The following TPD52 variants were observed in gnomAD, a reference collection of about 807,000 sequenced individuals.
The protein encoded by TPD52 is prostate and colon associated protein.
In TPD52, 17 loss-of-function variants were observed where a neutral mutation model predicts 31.3. The ratio of observed to expected loss-of-function variants is 0.54; its 90% CI spans 0.37 to 0.82. TPD52 has a LOEUF of 0.82. TPD52 is among the 40% of genes least tolerant of loss of function. TPD52 has a pLI of 0.00. For missense variants in TPD52, 212 were observed against 240.1 expected (o/e 0.88, Z 0.77); for synonymous variants, 83 against 89.6 (o/e 0.93, Z 0.42).
chr8:80,043,794 T>TG (rs1810589690), intron 6 of TPD52, among the ~76,000 whole-genome samples: 1 of 152,002 alleles, frequency 6.6e-6, no homozygotes, highest in Non-Finnish European at 1.5e-5. Context: ...CACAGTGGGA[T>TG]GGGGGAAGTG....
rs980466348 is a variant in TPD52 at position 80,035,533 on chromosome 8, T to G, written c.*2583A>C. The stretch of plus-strand genomic sequence containing the variant: ...CATACCCAAATTATAGCATTTTTAT[T>G]TTCCAATACTATACAAAAAATAGAC... On this transcript the variant is annotated 3_prime_UTR_variant, in exon 8 of 8. Coordinates refer to ENST00000518937, the MANE Select transcript of TPD52 (RefSeq NM_001025253.3). 1 of 152,228 alleles carries G rather than the reference T, an allele frequency of 6.6e-6. No individual in the cohort carries two copies. Among genetic ancestry groups the G allele is most frequent in the African/African-American group, 2.4e-5 (1 of 41,460 alleles). The allele number at this position is 152,228 out of a possible 1,614,324, so 9.4% of individuals were successfully genotyped here. A position where few individuals can be genotyped will look rare whatever the true frequency, so the allele number is the denominator to read the frequency against.
intron 4 of TPD52, chr8:80,051,270 A>T (rs1349285131): frequency 2.1e-5 from 11 of 511,636 alleles, no homozygotes; most frequent in Admixed American, 3.7e-5. Flanking sequence ...ATCATGAAGA[A>T]CTAAAAAGAC....
chr8:80,127,833 CACACAG>C (rs879653277), intron 1 of TPD52, among the ~76,000 whole-genome samples: 2,506 of 41,372 alleles, frequency 0.061, 27 homozygotes, highest in East Asian at 0.12. Context: ...CACACACACA[CACACAG>C]AGATACATAA....
At chr8:80,171,215 A>C (rs146509538) in intron 1 of TPD52, 178 of 709,334 alleles carry the variant, frequency 2.5e-4, no homozygotes, top group Middle Eastern at 1.4e-3. Context: ...ACACTCACAC[A>C]TGCAGTCCCA....
chr8:80,091,459 C>T (rs1816261813), intron 1 of TPD52, among the ~76,000 whole-genome samples: 1 of 121,006 alleles, frequency 8.3e-6, no homozygotes, highest in Non-Finnish European at 1.7e-5. Context: ...ACAGAGACTC[C>T]ATCTCAAAAA....
intron 4 of TPD52, chr8:80,051,125 A>C (rs577677336): frequency 4.0e-4 from 80 of 198,378 alleles, no homozygotes; most frequent in African/African-American, 1.8e-3. Context: ...CATGATATAA[A>C]ATGTCACATA....
chr8:80,118,519 A>T (rs1808031321), intron 1 of TPD52, among the ~76,000 whole-genome samples: 1 of 152,240 alleles, frequency 6.6e-6, no homozygotes. Flanking sequence ...GAAATACTGT[A>T]AAATCATCTA....
intron 1 of TPD52, among the ~76,000 whole-genome samples, chr8:80,144,182 T>C (rs528357607): frequency 4.3e-4 from 65 of 152,326 alleles, no homozygotes; most frequent in African/African-American, 1.6e-3. Flanking sequence ...TTTTGTAATA[T>C]TACATATATC....
chr8:80,037,577 G>A lies in TPD52; in HGVS notation c.*539C>T, dbSNP rs1244043712. 2.0e-5 allele frequency: 3 copies of A among 152,224 alleles called. No homozygotes were observed. The highest frequency in any genetic ancestry group is 2.1e-4 in the South Asian group (1 of 4,830). 9.4% of individuals were successfully genotyped at this position (152,224 alleles called of 1,614,324 possible). On this transcript the variant is annotated 3_prime_UTR_variant, in exon 8 of 8. Transcript: ENST00000518937. Reference sequence around the variant, plus strand: ...AGTCTGGTGTCTTCAACCAAAATATGTACCTTATACCAAAACAATGCTTAT... The same window carrying A: ...AGTCTGGTGTCTTCAACCAAAATATATACCTTATACCAAAACAATGCTTAT...
chr8:80,161,732 A>ATTTTT lies in TPD52; in HGVS notation c.19+9688_19+9692dup, dbSNP rs869141433. ...CACATTTATATATATATATATATATATTTTTTTTTTTTTCTGAGACAGAGT... is the reference window on the plus strand; with the variant it reads ...CACATTTATATATATATATATATATATTTTTTTTTTTTTTTTTTCTGAGACAGAGT... On this transcript the variant is annotated intron_variant, in intron 1 of 7. Coordinates refer to ENST00000518937, the MANE Select transcript of TPD52 (RefSeq NM_001025253.3). Among the ~76,000 whole-genome samples the ATTTTT allele has an allele frequency of 7.8e-3, 568 of 72,474 alleles. 6 individuals are homozygous for ATTTTT. Among genetic ancestry groups the ATTTTT allele is most frequent in the African/African-American group, 0.021 (532 of 24,866 alleles). The allele number at this position is 72,474 out of a possible 152,430, so 47.5% of individuals were successfully genotyped here.
At chr8:80,152,064 T>A (rs570185755) in intron 1 of TPD52, among the ~76,000 whole-genome samples, 185 of 152,294 alleles carry the variant, frequency 1.2e-3, no homozygotes, top group Middle Eastern at 3.4e-3. Flanking sequence ...AATAGAATAC[T>A]GCAACGCTAG....
At position 80,171,524 on chromosome 8, in the gene TPD52, C is replaced by T; in HGVS notation, c.-81G>A. ...GGCTCGGATCGCCCGCCGCGCCGCG[C>T]AGAGCTCCTCCTCGCCTCCGCCGGC... On this transcript the variant is annotated 5_prime_UTR_variant, in exon 1 of 8. Transcript: ENST00000518937. 2 of 1,464,880 alleles carry T rather than the reference C, an allele frequency of 1.4e-6. No homozygotes were observed. The highest frequency in any genetic ancestry group is 1.8e-6 in the Non-Finnish European group (2 of 1,119,182). The allele number at this position is 1,464,880 out of a possible 1,614,324, so 90.7% of individuals were successfully genotyped here.
At chr8:80,157,876 G>A (rs191664497) in intron 1 of TPD52, among the ~76,000 whole-genome samples, 11 of 152,246 alleles carry the variant, frequency 7.2e-5, no homozygotes, top group Admixed American at 3.3e-4. Context: ...CAAACTCTAC[G>A]ATATCACTAT....
chr8:80,053,062 A>G (rs1811529262), intron 3 of TPD52: 1 of 423,218 alleles, frequency 2.4e-6, no homozygotes, highest in South Asian at 4.0e-5. Flanking sequence ...TATTTCTCCA[A>G]CTGGCTAGCT....
At chr8:80,111,505 G>A (rs193279008) in intron 1 of TPD52, among the ~76,000 whole-genome samples, 2 of 152,264 alleles carry the variant, frequency 1.3e-5, no homozygotes, top group East Asian at 1.9e-4. Context: ...CATTCTGTGT[G>A]GTACTGAGTG....
At chr8:80,146,745 G>A (rs1810224510) in intron 1 of TPD52, among the ~76,000 whole-genome samples, 1 of 152,044 alleles carries the variant, frequency 6.6e-6, no homozygotes, top group Non-Finnish European at 1.5e-5. Context: ...TTTATATGTG[G>A]GTACACTATG....
chr8:80,171,113 A>G, intron 1 of TPD52: 1 of 665,348 alleles, frequency 1.5e-6, no homozygotes, highest in Admixed American at 2.1e-5. Context: ...GCGGCTTTCC[A>G]CCCAAAGCGC....
chr8:80,149,459 T>C (rs1182234329), intron 1 of TPD52, among the ~76,000 whole-genome samples: 1 of 152,158 alleles, frequency 6.6e-6, no homozygotes, highest in Non-Finnish European at 1.5e-5. Context: ...TCATTAGCAG[T>C]GTGAGAAAAG....
intron 1 of TPD52, among the ~76,000 whole-genome samples, chr8:80,148,352 A>C (rs1239977392): frequency 1.1e-5 from 1 of 88,680 alleles, no homozygotes; most frequent in Non-Finnish European, 2.1e-5. Flanking sequence ...GTGTACAGAG[A>C]GAATCTTCCT....
Sources: allele counts gnomAD v4.1 joint callset (sites outside exome capture counted in the v4.1 genomes callset), GRCh38; gene constraint gnomAD v4.1.1; transcripts MANE v1.5; gene names NCBI Gene and HGNC (gene_info 2026-07-23, HGNC 2026-07-21).